RIMKLB: variants seen among roughly 807,000 people sequenced by gnomAD.
The protein encoded by RIMKLB is ribosomal modification protein rimK like family member B, also known as beta-citrylglutamate synthase B.
Under a neutral mutation model 32.0 loss-of-function variants are expected in RIMKLB, and 7 were observed. That is an observed-to-expected ratio of 0.22 (90% CI 0.12 to 0.41). The LOEUF (loss-of-function observed/expected upper bound fraction) is 0.41. RIMKLB is among the 10% of genes least tolerant of loss of function. The pLI, the probability that RIMKLB is intolerant of heterozygous loss-of-function variation, is 1.00. For missense variants in RIMKLB, 289 were observed against 498.7 expected (o/e 0.58, Z 4.00); for synonymous variants, 172 against 185.1 (o/e 0.93, Z 0.57).
chr12:8,750,835 A>G (rs751308350), intron 3 of RIMKLB, among the ~76,000 whole-genome samples: 1 of 152,090 alleles, frequency 6.6e-6, no homozygotes, highest in Non-Finnish European at 1.5e-5. Flanking sequence ...ATATTTTGCT[A>G]ATGTATTTCC....
chr12:8,736,517 C>CTTTTTTTT (rs1157484475), intron 2 of RIMKLB, among the ~76,000 whole-genome samples: 110 of 126,742 alleles, frequency 8.7e-4, no homozygotes, highest in African/African-American at 3.1e-3. Flanking sequence ...CATGTATTTC[C>CTTTTTTTT]TTTTTTTTTT....
At chr12:8,686,604 C>CAA (rs1446545159) in intron 1 of RIMKLB, among the ~76,000 whole-genome samples, 2 of 152,076 alleles carry the variant, frequency 1.3e-5, no homozygotes, top group African/African-American at 4.8e-5. Context: ...CTCAGCCTCG[C>CAA]AAGTAGCTGG....
intron 1 of RIMKLB, among the ~76,000 whole-genome samples, chr12:8,704,750 G>A (rs941421224): frequency 2.6e-5 from 4 of 152,122 alleles, no homozygotes; most frequent in Admixed American, 6.6e-5. Context: ...GGGAGACTGA[G>A]GCAGGAGAAT....
In RIMKLB at chr12:8,748,591, A is replaced by T. The variant is rs182628749; in HGVS notation, c.176-1271A>T. Among the ~76,000 whole-genome samples the T allele has an allele frequency of 1.9e-3, 276 of 148,750 alleles. 1 individual carries two copies. The highest frequency in any genetic ancestry group is 6.5e-3 in the African/African-American group (265 of 40,700). On this transcript the variant is annotated intron_variant, in intron 2 of 5. Transcript: ENST00000535829. ...ATATATACACAAAATTTATATTCAT[A>T]CACAATTTATATATTTTTTATATAT... is the stretch of plus-strand genomic sequence containing the variant.
intron 1 of RIMKLB, among the ~76,000 whole-genome samples, chr12:8,700,784 G>T (rs944875756): frequency 6.6e-6 from 1 of 152,158 alleles, no homozygotes. Flanking sequence ...GTAATTATGT[G>T]GCCTGGCGCA....
the RIMKLB span, among the ~76,000 whole-genome samples, chr12:8,673,652 G>C: frequency 7.4e-4 from 113 of 151,714 alleles, 1 homozygote; most frequent in Middle Eastern, 3.4e-3. Flanking sequence ...CTGGAGTGCA[G>C]TGTTACAATC....
chr12:8,749,760 A>G (rs1948464423), intron 2 of RIMKLB, 102 bp from the exon 3 acceptor site: 1 of 731,546 alleles, frequency 1.4e-6, no homozygotes, highest in Non-Finnish European at 2.3e-6. Flanking sequence ...TTAACAAAAT[A>G]GTACATTTCA....
chr12:8,768,238 A>T (rs1176940374), intron 5 of RIMKLB, among the ~76,000 whole-genome samples: 1 of 152,238 alleles, frequency 6.6e-6, no homozygotes, highest in Non-Finnish European at 1.5e-5. Context: ...CCCGATCAGG[A>T]GCAGCAATGG....
At chr12:8,688,996 G>A (rs931506154) in intron 1 of RIMKLB, among the ~76,000 whole-genome samples, 5 of 152,114 alleles carry the variant, frequency 3.3e-5, no homozygotes, top group South Asian at 2.1e-4. Context: ...CACCACACCC[G>A]ACTAATTTTT....
Position 8,775,145 on chromosome 12 carries a change from T to A in RIMKLB, c.*1361T>A, listed in dbSNP as rs1950659255. On this transcript the variant is annotated 3_prime_UTR_variant, in exon 6 of 6. Coordinates refer to ENST00000535829, the MANE Select transcript of RIMKLB (RefSeq NM_001297776.2). ...TTTCTAGCCTGTTCAGTGTACAGTT[T>A]ATTCAAGGCTACATGCTTTTCTTTA... The A allele has an allele frequency of 2.0e-6, 2 of 985,722 alleles. No homozygotes were observed. The highest frequency in any genetic ancestry group is 2.4e-6 in the Non-Finnish European group (2 of 829,898). 61.1% of individuals were successfully genotyped at this position (985,722 alleles called of 1,614,324 possible).
upstream of RIMKLB, among the ~76,000 whole-genome samples, chr12:8,680,367 G>C (rs1942385317): frequency 6.6e-6 from 1 of 152,056 alleles, no homozygotes; most frequent in Non-Finnish European, 1.5e-5. Context: ...CACCATGTTA[G>C]CCAGGATGGT....
At chr12:8,675,299 T>C in the RIMKLB span, among the ~76,000 whole-genome samples, 11 of 152,236 alleles carry the variant, frequency 7.2e-5, no homozygotes, top group African/African-American at 2.7e-4. Context: ...AAATGTCCCC[T>C]CCTCTTGACA....
intron 2 of RIMKLB, among the ~76,000 whole-genome samples, chr12:8,735,609 C>T (rs955442087): frequency 6.6e-6 from 1 of 151,888 alleles, no homozygotes; most frequent in African/African-American, 2.4e-5. Flanking sequence ...AGATGAGATA[C>T]ATAATTAGCT....
chr12:8,713,044 A>G (rs1406065101), intron 1 of RIMKLB, among the ~76,000 whole-genome samples: 1 of 152,148 alleles, frequency 6.6e-6, no homozygotes, highest in Non-Finnish European at 1.5e-5. Flanking sequence ...CACCATCTGG[A>G]AAAAAAGTCC....
intron 1 of RIMKLB, among the ~76,000 whole-genome samples, chr12:8,684,912 C>A (rs1000714291): frequency 6.6e-6 from 1 of 152,170 alleles, no homozygotes; most frequent in African/African-American, 2.4e-5. Flanking sequence ...CGTGAGCAAC[C>A]GCACCCAGCC....
chr12:8,694,434 T>C (rs1256239344), upstream of RIMKLB, among the ~76,000 whole-genome samples: 2 of 148,070 alleles, frequency 1.4e-5, no homozygotes, highest in East Asian at 2.0e-4. Context: ...ACCCATCTGT[T>C]GCTCAGGATG....
upstream of RIMKLB, among the ~76,000 whole-genome samples, chr12:8,678,214 C>T (rs765796794): frequency 6.6e-6 from 1 of 151,864 alleles, no homozygotes; most frequent in Non-Finnish European, 1.5e-5. Context: ...CAGGGTCCCA[C>T]TATGTTACCC....
At chr12:8,752,476 C>G (rs1035056385) in intron 4 of RIMKLB, among the ~76,000 whole-genome samples, 2 of 151,624 alleles carry the variant, frequency 1.3e-5, no homozygotes, top group African/African-American at 4.8e-5. Context: ...TGCTTGAACC[C>G]GGGAGGCGGA....
downstream of RIMKLB, chr12:8,779,092 A>G (rs1304558294): frequency 1.3e-5 from 2 of 152,322 alleles, no homozygotes; most frequent in South Asian, 2.1e-4. Flanking sequence ...ATGTATACTA[A>G]AAAATAAAAA....
Sources: gnomAD v4.1 joint callset for allele counts (sites outside exome capture counted in the v4.1 genomes callset) on GRCh38, gnomAD v4.1.1 for gene constraint, MANE v1.5 for transcripts, NCBI Gene and HGNC (gene_info 2026-07-23, HGNC 2026-07-21) for gene names.